Variants in MALRD1 observed in about 807,000 individuals in gnomAD.
The protein encoded by MALRD1 is MAM and LDL receptor class A domain containing 1.
In MALRD1, 247 loss-of-function variants were observed where a neutral mutation model predicts 242.1. The observed-to-expected ratio is 1.02, with a 90% CI of 0.92 to 1.13. MALRD1 has a LOEUF of 1.13. MALRD1 is among the 50% of genes most tolerant of loss of function. The pLI is 0.00. For missense variants in MALRD1, 2,989 were observed against 2,533.1 expected (o/e 1.18, Z -3.86); for synonymous variants, 995 against 866.6 (o/e 1.15, Z -2.60).
At chr10:19,644,304 C>G (rs1840549758) in intron 36 of MALRD1, among the ~76,000 whole-genome samples, 1 of 152,208 alleles carries the variant, frequency 6.6e-6, no homozygotes, top group African/African-American at 2.4e-5. Context: ...GGGATACTCT[C>G]TTCCTGAGCT....
chr10:19,290,166 T>C (rs1175321509), intron 21 of MALRD1: 4 of 152,178 alleles, frequency 2.6e-5, no homozygotes, highest in Admixed American at 2.6e-4. Flanking sequence ...TCTACTTTTT[T>C]TTGCATCCAC....
intron 5 of MALRD1, among the ~76,000 whole-genome samples, chr10:19,115,644 T>C (rs1433851869): frequency 1.3e-5 from 2 of 150,844 alleles, no homozygotes; most frequent in African/African-American, 2.4e-5. Flanking sequence ...TTCTCTTTAC[T>C]ATAAAAATAT....
intron 13 of MALRD1, among the ~76,000 whole-genome samples, chr10:19,172,003 CAT>C (rs1333695025): frequency 7.3e-4 from 7 of 9,570 alleles, no homozygotes; most frequent in Admixed American, 3.8e-3. Flanking sequence ...GTATATATCA[CAT>C]ATATGTGATA....
rs1844201900 is a variant in MALRD1, at chr10:19,347,898, T to C, written c.4029T>C (p.Asp1343=). 1 of 1,550,252 alleles carries C rather than the reference T, an allele frequency of 6.5e-7. No homozygotes were observed. The highest frequency in any genetic ancestry group is 2.0e-5 in the Admixed American group (1 of 50,972). ...IPAAGTEPAA[D]HTLGNSSGHY... The stretch of plus-strand genomic sequence containing the variant: ...CAGCAGGCACAGAGCCAGCAGCAGA[T>C]CACACTTTGGGAAATTCATCTGGTC... The change falls in exon 25 of 40, where the codon GAT becomes GAC. Residue 1343 remains aspartate, a synonymous_variant. Coordinates refer to ENST00000454679, the MANE Select transcript of MALRD1 (RefSeq NM_001142308.3).
intron 14 of MALRD1, among the ~76,000 whole-genome samples, chr10:19,200,096 C>A (rs1055167956): frequency 1.3e-5 from 2 of 152,064 alleles, no homozygotes; most frequent in East Asian, 3.9e-4. Context: ...TCACTGCACT[C>A]CAGCCTGGGT....
intron 6 of MALRD1, 57 bp from the exon 7 acceptor site, chr10:19,124,467 G>A: frequency 8.1e-7 from 1 of 1,228,222 alleles, no homozygotes; most frequent in Non-Finnish European, 1.0e-6. Context: ...ACATAACTTG[G>A]TTAAGCAGCC....
intron 24 of MALRD1, among the ~76,000 whole-genome samples, chr10:19,338,581 C>T (rs1419636410): frequency 6.7e-6 from 1 of 149,834 alleles, no homozygotes; most frequent in Non-Finnish European, 1.5e-5. Context: ...GTGGGGATTA[C>T]AATTTGAGAA....
At chr10:19,603,750 C>G (rs1332153669) in intron 34 of MALRD1, among the ~76,000 whole-genome samples, 1 of 152,078 alleles carries the variant, frequency 6.6e-6, no homozygotes, top group Admixed American at 6.6e-5. Context: ...ATGTTTCTCA[C>G]AATATTTCAA....
chr10:19,531,300 T>A lies in MALRD1; in HGVS notation c.5427T>A (p.Thr1809=), dbSNP rs754246620. 1.3e-6 allele frequency: 2 copies of A among 1,549,950 alleles called. No homozygotes were observed. Among genetic ancestry groups the A allele is most frequent in the African/African-American group, 2.7e-5 (2 of 73,048 alleles). ...TCCCAGCAAGCCTTGGAATGTGTAC[T>A]GTTCGGTTCTGGTTCTACATGATTG... ...KSFPASLGMC[T]VRFWFYMIDP... is the part of the protein sequence containing the mutation. The change falls in exon 32 of 40, where the codon ACT becomes ACA. Residue 1809 remains threonine (T), a synonymous_variant. Coordinates refer to ENST00000454679, the MANE Select transcript of MALRD1 (RefSeq NM_001142308.3).
intron 28 of MALRD1, among the ~76,000 whole-genome samples, chr10:19,431,435 T>C (rs1486647661): frequency 6.6e-6 from 1 of 152,238 alleles, no homozygotes; most frequent in Non-Finnish European, 1.5e-5. Context: ...TCCAGCAATT[T>C]ATTCAAGCAG....
At chr10:19,585,297 G>C (rs879346208) in intron 33 of MALRD1, among the ~76,000 whole-genome samples, 14 of 151,792 alleles carry the variant, frequency 9.2e-5, no homozygotes, top group African/African-American at 3.1e-4. Flanking sequence ...TTGTTCGTTA[G>C]TTGATGTAGT....
chr10:19,628,521 A>G (rs755181638), intron 36 of MALRD1, among the ~76,000 whole-genome samples: 5 of 152,134 alleles, frequency 3.3e-5, no homozygotes, highest in African/African-American at 7.2e-5. Context: ...AATAATATGT[A>G]TATTAAGATC....
At chr10:19,238,423 C>T (rs1404377984) in intron 18 of MALRD1, among the ~76,000 whole-genome samples, 528 of 40,710 alleles carry the variant, frequency 0.013, 66 homozygotes, top group African/African-American at 0.051. Context: ...ATATAATATA[C>T]ATTATATATA....
At chr10:19,470,885 A>G (rs932477541) in intron 29 of MALRD1, among the ~76,000 whole-genome samples, 2 of 151,822 alleles carry the variant, frequency 1.3e-5, no homozygotes, top group Admixed American at 6.6e-5. Context: ...TGGGTCGCGT[A>G]GGCTGCCTTT....
intron 28 of MALRD1, among the ~76,000 whole-genome samples, chr10:19,389,954 A>T (rs1382227781): frequency 6.6e-6 from 1 of 152,142 alleles, no homozygotes; most frequent in East Asian, 1.9e-4. Flanking sequence ...GAGCCACCAC[A>T]CCTGGCCCCT....
At chr10:19,388,811 G>C (rs895470054) in intron 27 of MALRD1, among the ~76,000 whole-genome samples, 6 of 145,656 alleles carry the variant, frequency 4.1e-5, no homozygotes, top group African/African-American at 1.5e-4. Context: ...GAATGAAGAA[G>C]TGACCCTGAA....
At chr10:19,070,175 C>A (rs551779588) in intron 2 of MALRD1, among the ~76,000 whole-genome samples, 23 of 152,198 alleles carry the variant, frequency 1.5e-4, no homozygotes, top group Middle Eastern at 3.4e-3. Context: ...AGTACAGATG[C>A]TCCTCAAATT....
At chr10:19,628,921 C>T (rs1839794876) in intron 36 of MALRD1, among the ~76,000 whole-genome samples, 1 of 152,130 alleles carries the variant, frequency 6.6e-6, no homozygotes, top group African/African-American at 2.4e-5. Flanking sequence ...AAGCATTACA[C>T]ACTTTCTGCC....
intron 36 of MALRD1, among the ~76,000 whole-genome samples, chr10:19,620,841 A>G (rs10827649): frequency 0.45 from 68,046 of 151,704 alleles, 15,407 homozygotes; most frequent in South Asian, 0.56. Context: ...GTATTGAAAT[A>G]TGAGAAAATG....
Sources: allele counts gnomAD v4.1 joint callset (sites outside exome capture counted in the v4.1 genomes callset), GRCh38; gene constraint gnomAD v4.1.1; transcripts MANE v1.5; gene names NCBI Gene and HGNC (gene_info 2026-07-23, HGNC 2026-07-21).